FHIT: variants seen among roughly 807,000 people sequenced by gnomAD.
FHIT encodes the protein fragile histidine triad diadenosine triphosphatase.
Under a neutral mutation model 17.9 loss-of-function variants are expected in FHIT, and 19 were observed. That is an observed-to-expected ratio of 1.06 (90% confidence interval 0.74 to 1.56). The LOEUF (loss-of-function observed/expected upper bound fraction) is 1.56, where lower values mean the gene tolerates loss of function less well. Ranked by LOEUF, FHIT falls within the 40% of genes most tolerant of loss-of-function variation. FHIT has a pLI of 0.00. For synonymous variants in FHIT, 81 were observed against 69.7 expected (o/e 1.16, Z -0.81); for missense variants, 248 against 189.2 (o/e 1.31, Z -1.82).
In FHIT at chr3:60,065,912, G is replaced by A. The variant is rs982964989; in HGVS notation, c.104-51760C>T. Among the ~76,000 whole-genome samples, 4 of 152,132 alleles carry A rather than the reference G, an allele frequency of 2.6e-5. No individual in the cohort carries two copies. The South Asian group carries it at 8.3e-4, about 32-fold the overall frequency. On this transcript the variant is annotated intron_variant, in intron 5 of 9. Transcript: ENST00000492590. ...CTCCCTTTCTTCCTACCGTGAATTT[G>A]ATCATGGTTCCAGGAAATAGGGTGG...
At chr3:60,875,016 A>T (rs1342462652) in intron 3 of FHIT, among the ~76,000 whole-genome samples, 1 of 152,156 alleles carries the variant, frequency 6.6e-6, no homozygotes, top group Non-Finnish European at 1.5e-5. Flanking sequence ...GAATATTTTT[A>T]AAATGGGAGC....
At chr3:60,302,536 C>G (rs1708495445) in intron 5 of FHIT, among the ~76,000 whole-genome samples, 1 of 152,136 alleles carries the variant, frequency 6.6e-6, no homozygotes, top group Non-Finnish European at 1.5e-5. Context: ...GTGATCATCA[C>G]AGTGCCTAGG....
intron 5 of FHIT, among the ~76,000 whole-genome samples, chr3:60,115,004 T>G (rs568310724): frequency 1.3e-5 from 2 of 152,158 alleles, no homozygotes; most frequent in African/African-American, 4.8e-5. Flanking sequence ...GAAAATATGT[T>G]ACATTGTTTT....
Position 60,212,198 on chromosome 3 carries a change from C to CT in FHIT, c.104-198047dup, listed in dbSNP as rs760388081. On this transcript the variant is annotated intron_variant, in intron 5 of 9. Coordinates refer to ENST00000492590, the MANE Select transcript of FHIT (RefSeq NM_002012.4). ...TCACTCATCAATATGAATTTTAAGG[C>CT]TCCCAGTGAAAACCAATTTAAGGTA... Among the ~76,000 whole-genome samples, 8 of 152,246 alleles carry CT rather than the reference C, an allele frequency of 5.3e-5. No individual in the cohort carries two copies. In the East Asian group the frequency reaches 7.7e-4, roughly 15 times the overall value.
rs146755971 is a variant in FHIT at position 60,684,502 on chromosome 3, G to A, written c.-18+137417C>T. Among the ~76,000 whole-genome samples, 232 of 152,110 alleles carry A rather than the reference G, an allele frequency of 1.5e-3. 2 individuals are homozygous for A. Among genetic ancestry groups the A allele is most frequent in the Non-Finnish European group, 5.9e-4 (40 of 68,004 alleles). ...TTCATGTTCTTTCCACTCCATGTGC[G>A]GTTTTCCATCACATTGTGTGACCTG... On this transcript the variant is annotated intron_variant, in intron 4 of 9. Coordinates refer to ENST00000492590, the MANE Select transcript of FHIT (RefSeq NM_002012.4).
At chr3:60,156,414 T>C (rs1305610600) in intron 5 of FHIT, among the ~76,000 whole-genome samples, 1 of 151,662 alleles carries the variant, frequency 6.6e-6, no homozygotes, top group Admixed American at 6.6e-5. Flanking sequence ...TCAGATGTTA[T>C]AGTAGCTTTG....
chr3:61,122,102 C>G (rs1410850632), intron 2 of FHIT, among the ~76,000 whole-genome samples: 1 of 152,190 alleles, frequency 6.6e-6, no homozygotes, highest in African/African-American at 2.4e-5. Context: ...TGACTTCAAA[C>G]TATACTACAA....
intron 1 of FHIT, among the ~76,000 whole-genome samples, chr3:61,240,274 C>G (rs868268837): frequency 3.3e-5 from 5 of 152,208 alleles, no homozygotes; most frequent in African/African-American, 1.2e-4. Context: ...TCACATCCCT[C>G]TTCTGAAGGT....
At chr3:60,666,379 T>A (rs782125282) in intron 4 of FHIT, among the ~76,000 whole-genome samples, 4 of 152,208 alleles carry the variant, frequency 2.6e-5, no homozygotes. Context: ...GAATTTACAG[T>A]TGATAATTCT....
At chr3:61,118,226 C>T (rs1177249168) in intron 2 of FHIT, among the ~76,000 whole-genome samples, 1 of 152,182 alleles carries the variant, frequency 6.6e-6, no homozygotes, top group Admixed American at 6.5e-5. Context: ...AAAGGCCTAT[C>T]TTCACGTGCC....
At chr3:60,122,256 A>C (rs554116068) in intron 5 of FHIT, among the ~76,000 whole-genome samples, 30 of 152,310 alleles carry the variant, frequency 2.0e-4, no homozygotes, top group Admixed American at 1.8e-3. Context: ...TCATTAACAA[A>C]GAGTTGCTTA....
intron 5 of FHIT, among the ~76,000 whole-genome samples, chr3:60,316,503 G>A (rs376128641): frequency 1.3e-5 from 2 of 152,268 alleles, no homozygotes; most frequent in South Asian, 4.2e-4. Flanking sequence ...AATCCTAAAT[G>A]TATGCAGATC....
chr3:59,921,240 T>C (rs1705388566), intron 8 of FHIT, among the ~76,000 whole-genome samples: 1 of 152,226 alleles, frequency 6.6e-6, no homozygotes, highest in South Asian at 2.1e-4. Flanking sequence ...TATTGTTCTT[T>C]ATTTTCAGGG....
intron 1 of FHIT, among the ~76,000 whole-genome samples, chr3:61,239,764 T>TATATATATATATATATATAC (rs1485893575): frequency 1.8e-5 from 1 of 56,792 alleles, no homozygotes; most frequent in Non-Finnish European, 6.7e-5. Context: ...CAACTGGCCA[T>TATATATATATATATATATAC]ATATATATAT....
At chr3:60,178,594 G>A (rs77383723) in intron 5 of FHIT, among the ~76,000 whole-genome samples, 1 of 151,960 alleles carries the variant, frequency 6.6e-6, no homozygotes, top group African/African-American at 2.4e-5. Flanking sequence ...GGTGGCGGTG[G>A]GGGGAGGGAG....
chr3:60,773,667 C>T (rs573951112), intron 4 of FHIT, among the ~76,000 whole-genome samples: 4 of 152,350 alleles, frequency 2.6e-5, no homozygotes, highest in African/African-American at 9.6e-5. Flanking sequence ...TATCTTTGCT[C>T]TTCTAGCTTA....
chr3:61,247,945 C>G (rs2040525779), intron 1 of FHIT, among the ~76,000 whole-genome samples: 1 of 152,132 alleles, frequency 6.6e-6, no homozygotes, highest in African/African-American at 2.4e-5. Context: ...AAAGGCACAG[C>G]TGGGAATTAA....
At chr3:60,881,794 A>T (rs1220309185) in intron 3 of FHIT, among the ~76,000 whole-genome samples, 4 of 152,108 alleles carry the variant, frequency 2.6e-5, no homozygotes, top group African/African-American at 9.7e-5. Flanking sequence ...CAATAAACAC[A>T]TCAAAAGAGT....
intron 3 of FHIT, among the ~76,000 whole-genome samples, chr3:60,843,937 G>T (rs1479309428): frequency 6.6e-6 from 1 of 152,100 alleles, no homozygotes; most frequent in African/African-American, 2.4e-5. Flanking sequence ...CTAGGGGTAA[G>T]GCAAGCACGC....
Sources: allele counts gnomAD v4.1 joint callset (sites outside exome capture counted in the v4.1 genomes callset), GRCh38; gene constraint gnomAD v4.1.1; transcripts MANE v1.5; gene names NCBI Gene and HGNC (gene_info 2026-07-23, HGNC 2026-07-21).